The following ADTRP variants were observed in gnomAD, a reference collection of about 807,000 sequenced individuals.
ADTRP encodes the protein androgen dependent TFPI regulating protein, also known as androgen-dependent TFPI-regulating protein.
ADTRP carries 20 observed loss-of-function variants against 27.0 expected under a neutral mutation model. The ratio of observed to expected loss-of-function variants is 0.74; its 90% CI spans 0.52 to 1.08. The LOEUF is 1.08. Among genes scored for constraint, ADTRP ranks in the 50% least tolerant of loss-of-function variants. The pLI, the probability that ADTRP is intolerant of heterozygous loss-of-function variation, is 0.00. For missense variants in ADTRP, 251 were observed against 275.0 expected (o/e 0.91, Z 0.62); for synonymous variants, 101 against 105.2 (o/e 0.96, Z 0.25).
chr6:11,778,279 C>T (rs1403769572), intron 1 of ADTRP, among the ~76,000 whole-genome samples: 1 of 152,206 alleles, frequency 6.6e-6, no homozygotes, highest in Non-Finnish European at 1.5e-5. Context: ...TTCAAAATGC[C>T]TCCTGCATTT....
At chr6:11,727,345 A>G (rs1320267041) in intron 4 of ADTRP, among the ~76,000 whole-genome samples, 1 of 148,404 alleles carries the variant, frequency 6.7e-6, no homozygotes, top group Non-Finnish European at 1.5e-5. Flanking sequence ...TATGCGTTCC[A>G]TGGATGCATT....
intron 5 of ADTRP, among the ~76,000 whole-genome samples, chr6:11,714,769 C>T (rs1250966674): frequency 1.3e-5 from 2 of 152,230 alleles, no homozygotes; most frequent in African/African-American, 2.4e-5. Flanking sequence ...CCTTCAGGTA[C>T]TCTGCATAGC....
intron 5 of ADTRP, among the ~76,000 whole-genome samples, chr6:11,720,707 T>A (rs1208262247): frequency 6.6e-6 from 1 of 152,108 alleles, no homozygotes; most frequent in Non-Finnish European, 1.5e-5. Flanking sequence ...TACCGTGGCT[T>A]TCTTGATTCC....
chr6:11,734,798 T>C (rs1281497927), intron 4 of ADTRP, among the ~76,000 whole-genome samples: 2 of 152,150 alleles, frequency 1.3e-5, no homozygotes, highest in East Asian at 3.9e-4. Context: ...GTTGTCCAGA[T>C]TGTCACACAT....
intron 3 of ADTRP, among the ~76,000 whole-genome samples, chr6:11,758,558 C>T (rs1200038944): frequency 2.4e-4 from 12 of 50,046 alleles, no homozygotes; most frequent in Admixed American, 2.9e-4. Context: ...CATCACACAC[C>T]GGGGACTGTT....
At chr6:11,729,213 G>A (rs1313094151) in intron 4 of ADTRP, among the ~76,000 whole-genome samples, 7 of 152,116 alleles carry the variant, frequency 4.6e-5, no homozygotes, top group East Asian at 1.9e-4. Flanking sequence ...CTCAGGTCAC[G>A]TCTTTCCAGC....
intron 4 of ADTRP, among the ~76,000 whole-genome samples, chr6:11,728,787 T>G (rs528012384): frequency 2.0e-5 from 3 of 152,230 alleles, no homozygotes; most frequent in African/African-American, 7.2e-5. Context: ...TGGGTGGCTC[T>G]GTAGGACACT....
chr6:11,723,294 G>A (rs1762076936), intron 5 of ADTRP, 55 bp downstream of exon 5: 1 of 1,587,414 alleles, frequency 6.3e-7, no homozygotes, highest in African/African-American at 1.4e-5. Flanking sequence ...CCAGGTGAAG[G>A]GGAGAGGCAG....
intron 5 of ADTRP, among the ~76,000 whole-genome samples, chr6:11,721,721 C>T (rs1257999241): frequency 1.3e-5 from 2 of 152,026 alleles, no homozygotes; most frequent in Non-Finnish European, 2.9e-5. Context: ...GTTGAGGGTC[C>T]ATATGATGCC....
intron 4 of ADTRP, among the ~76,000 whole-genome samples, chr6:11,725,756 A>AGGGCCG (rs1762169745): frequency 6.6e-6 from 1 of 152,044 alleles, no homozygotes; most frequent in Non-Finnish European, 1.5e-5. Context: ...AAAATTAGCC[A>AGGGCCG]GGCGTGGTGG....
At chr6:11,763,954 T>C (rs553566163) in intron 3 of ADTRP, among the ~76,000 whole-genome samples, 25 of 152,346 alleles carry the variant, frequency 1.6e-4, no homozygotes, top group Admixed American at 7.2e-4. Context: ...GAGAGTTTCT[T>C]CAATCAAACT....
At chr6:11,769,400 G>A (rs1438890405) in intron 1 of ADTRP, among the ~76,000 whole-genome samples, 1 of 152,114 alleles carries the variant, frequency 6.6e-6, no homozygotes, top group Non-Finnish European at 1.5e-5. Context: ...AGCAAAGTCA[G>A]CCACATGCTG....
intron 3 of ADTRP, among the ~76,000 whole-genome samples, chr6:11,763,591 T>C (rs1763460431): frequency 6.6e-6 from 1 of 152,210 alleles, no homozygotes; most frequent in African/African-American, 2.4e-5. Flanking sequence ...ATAGTGGTGA[T>C]TTCCCAGAAT....
At chr6:11,775,558 C>T (rs1375449845) in intron 1 of ADTRP, among the ~76,000 whole-genome samples, 3 of 152,082 alleles carry the variant, frequency 2.0e-5, no homozygotes, top group African/African-American at 7.2e-5. Flanking sequence ...TCACTGAGGT[C>T]AGTTTACTCT....
chr6:11,767,934 C>G (rs550437523), intron 2 of ADTRP: 1 of 260,582 alleles, frequency 3.8e-6, no homozygotes, highest in Non-Finnish European at 7.2e-6. Flanking sequence ...CCATTCCCAT[C>G]ACCCTGATGG....
Position 11,765,319 on chromosome 6 carries a change from G to GTTTT in ADTRP, c.390+954_390+955insAAAA, listed in dbSNP as rs770169717. 8.6e-3 allele frequency among the ~76,000 whole-genome samples: 962 copies of GTTTT among 112,316 alleles called. 44 individuals are homozygous for GTTTT. The highest frequency in any genetic ancestry group is 0.026 in the East Asian group (70 of 2,718). The allele number at this position is 112,316 out of a possible 152,430, so 73.7% of individuals were successfully genotyped here. A position where few individuals can be genotyped will look rare whatever the true frequency, so the allele number is the denominator to read the frequency against. On this transcript the variant is annotated intron_variant, in intron 3 of 5. Transcript: ENST00000414691. ...GCCACTTCCTTGTGCCTTTCCCCTG[G>GTTTT]TTTGTTTTTTTTTTTTTTTTTTTTT...
At chr6:11,727,444 A>G (rs1425223485) in intron 4 of ADTRP, among the ~76,000 whole-genome samples, 2 of 152,210 alleles carry the variant, frequency 1.3e-5, no homozygotes, top group Non-Finnish European at 2.9e-5. Flanking sequence ...AACAGTTTCA[A>G]GTAGATAGGG....
Position 11,768,322 on chromosome 6 carries a change from C to G in ADTRP, c.215G>C (p.Gly72Ala). The stretch of plus-strand genomic sequence containing the variant: ...AGTTAGGAACTTAATGTCTTTTCCC[C>G]CTTTGGTTCTTTTCAGCACATCATC... The part of the protein sequence containing the change: ...CLDDVLKRTK[G>A]GKDIKFLTAF... Residue 72 changes from glycine (G) to alanine (A), a missense_variant, in exon 2 of 6, where the codon GGG becomes GCG. Coordinates refer to ENST00000414691, the MANE Select transcript of ADTRP (RefSeq NM_032744.4). The G allele has an allele frequency of 3.1e-6, 5 of 1,614,174 alleles. No individual in the cohort carries two copies. The highest frequency in any genetic ancestry group is 4.2e-6 in the Non-Finnish European group (5 of 1,180,022).
chr6:11,714,815 G>A (rs1173607249), intron 5 of ADTRP, among the ~76,000 whole-genome samples: 1 of 152,202 alleles, frequency 6.6e-6, no homozygotes, highest in Non-Finnish European at 1.5e-5. Context: ...CTGAGTGAGT[G>A]TCTGCAGGCT....
Sources: allele counts gnomAD v4.1 joint callset (sites outside exome capture counted in the v4.1 genomes callset), GRCh38; gene constraint gnomAD v4.1.1; transcripts MANE v1.5; gene names NCBI Gene and HGNC (gene_info 2026-07-23, HGNC 2026-07-21).